The following NIPA2 variants were observed in gnomAD, a reference collection of about 807,000 sequenced individuals.
NIPA2 encodes the protein NIPA magnesium transporter 2, also known as magnesium transporter NIPA2.
NIPA2 carries 11 observed loss-of-function variants against 29.7 expected under a neutral mutation model. That is an observed-to-expected ratio of 0.37 (90% CI 0.23 to 0.61). The LOEUF (loss-of-function observed/expected upper bound fraction) is 0.61. Ranked by LOEUF, NIPA2 falls within the 20% of genes least tolerant of loss-of-function variation. The pLI, the probability that NIPA2 is intolerant of heterozygous loss-of-function variation, is 0.66. For missense variants in NIPA2, 426 were observed against 437.9 expected (o/e 0.97, Z 0.24); for synonymous variants, 183 against 161.9 (o/e 1.13, Z -0.99).
Position 22,866,732 on chromosome 15 carries a change from A to G in NIPA2, c.968A>G (p.Asn323Ser), listed in dbSNP as rs774171251. Reference sequence around the variant, plus strand: ...AAAGACGAGAAAGCAATGAATGGCAATCTCTCTAATATGTATGAAGTTCTT... The same window carrying G: ...AAAGACGAGAAAGCAATGAATGGCAGTCTCTCTAATATGTATGAAGTTCTT... ...FRKDEKAMNG[N>S]LSNMYEVLNN... Residue 323 changes from asparagine (N) to serine (S), a missense_variant, in exon 8 of 8, where the codon AAT becomes AGT. Around this residue, in one of 3 missense-constraint regions of NIPA2, gnomAD observed 357 missense variants for 339.8 expected, o/e 1.05. Coordinates refer to ENST00000337451, the MANE Select transcript of NIPA2 (RefSeq NM_030922.7). 2.9e-5 allele frequency: 47 copies of G among 1,613,914 alleles called. No homozygotes were observed. The highest frequency in any genetic ancestry group is 3.7e-5 in the Non-Finnish European group (44 of 1,179,918).
intron 3 of NIPA2, among the ~76,000 whole-genome samples, chr15:22,850,571 G>A (rs963144944): frequency 3.9e-5 from 6 of 152,318 alleles, no homozygotes; most frequent in African/African-American, 1.4e-4. Context: ...CTGCAGTAAT[G>A]TTATCACTCC....
chr15:22,853,102 TTATTTAAAGGAG>T (rs1400874070), intron 4 of NIPA2, 98 bp from the exon 5 acceptor site: 1 of 708,322 alleles, frequency 1.4e-6, no homozygotes, highest in Non-Finnish European at 2.4e-6. Flanking sequence ...GCAGAAACCT[TTATTTAAAGGAG>T]TAACTGAGAT....
Position 22,855,415 on chromosome 15 carries a change from CA to C in NIPA2, c.196+2160del, listed in dbSNP as rs111944942. On this transcript the variant is annotated intron_variant, in intron 5 of 7. Transcript: ENST00000337451. ...CTGGGCAACAAGAGTGAAACTGTCTCAAAAAAAAAAAAATATTCTGAAGACA... is the reference window on the plus strand; with the variant it reads ...CTGGGCAACAAGAGTGAAACTGTCTCAAAAAAAAAAAATATTCTGAAGACA... Among the ~76,000 whole-genome samples the C allele has an allele frequency of 2.1e-3, 288 of 138,836 alleles. 2 individuals are homozygous for C. Among genetic ancestry groups the C allele is most frequent in the Middle Eastern group, 3.6e-3 (1 of 278 alleles). 91.1% of individuals were successfully genotyped at this position (138,836 alleles called of 152,430 possible). A position where few individuals can be genotyped will look rare whatever the true frequency, so the allele number is the denominator to read the frequency against.
chr15:22,866,222 T>C lies in NIPA2; in HGVS notation c.458T>C (p.Val153Ala). The change falls in exon 8 of 8, where the codon GTC (valine) becomes GCC (alanine). Residue 153 changes from valine to alanine, a missense_variant. Around this residue, in one of 3 missense-constraint regions of NIPA2, gnomAD observed 357 missense variants for 339.8 expected, o/e 1.05. Transcript: ENST00000337451. ...SHKLGDPGFV[V>A]FATLVVIVAL... ...TCTTTGCCTCCTCCAGGTTTTGTGGTCTTTGCAACCCTTGTGGTCATTGTG... is the reference window on the plus strand; with the variant it reads ...TCTTTGCCTCCTCCAGGTTTTGTGGCCTTTGCAACCCTTGTGGTCATTGTG... The C allele has an allele frequency of 6.2e-7, 1 of 1,608,964 alleles. No individual in the cohort carries two copies. Among genetic ancestry groups the C allele is most frequent in the Non-Finnish European group, 8.5e-7 (1 of 1,175,922 alleles).
intron 7 of NIPA2, among the ~76,000 whole-genome samples, chr15:22,863,781 A>G (rs1434158847): frequency 6.6e-6 from 1 of 151,904 alleles, no homozygotes; most frequent in African/African-American, 2.4e-5. Flanking sequence ...TTGCATTAGT[A>G]GTTGCCCCAA....
intron 4 of NIPA2, 28 bp downstream of exon 4, chr15:22,851,898 G>A (rs2057769858): frequency 6.3e-7 from 1 of 1,599,162 alleles, no homozygotes. Context: ...TGACTTTGAA[G>A]TGACCTCAGT....
intron 6 of NIPA2, among the ~76,000 whole-genome samples, chr15:22,859,468 A>G (rs2058463738): frequency 6.6e-6 from 1 of 151,856 alleles, no homozygotes; most frequent in African/African-American, 2.4e-5. Context: ...AATGTTTTGT[A>G]TTTTTAGTAG....
intron 3 of NIPA2, among the ~76,000 whole-genome samples, chr15:22,846,803 GAGACCCTGTCTCCAAAATAATAATAATA>G (rs1305144918): frequency 1.2e-4 from 17 of 140,030 alleles, no homozygotes; most frequent in Non-Finnish European, 2.0e-4. Flanking sequence ...GTGACAGAAT[GAGACCCTGTCTCCAAAATAATAATAATA>G]ATAATAATAA....
chr15:22,845,098 C>A (rs956382730), intron 2 of NIPA2, 48 bp from the exon 3 acceptor site: 1 of 152,146 alleles, frequency 6.6e-6, no homozygotes, highest in African/African-American at 2.4e-5. Context: ...TTAATACTGG[C>A]CCTGCCTCAT....
intron 2 of NIPA2, among the ~76,000 whole-genome samples, chr15:22,844,735 C>CA (rs1174018259): frequency 6.6e-6 from 1 of 151,974 alleles, no homozygotes; most frequent in African/African-American, 2.4e-5. Flanking sequence ...GCCTGGGAAA[C>CA]AGAGTGAGAC....
intron 7 of NIPA2, among the ~76,000 whole-genome samples, chr15:22,865,916 C>G (rs952510752): frequency 6.6e-5 from 10 of 152,068 alleles, no homozygotes; most frequent in Non-Finnish European, 1.5e-5. Context: ...TGTGTCTGTT[C>G]TGTTCCCACT....
rs2057684438 is a variant in NIPA2 at position 22,850,906 on chromosome 15, CTATTTT to C, written c.-93-731_-93-726del. ...CAATCATAAACCTTGTTGCTAAAAA[CTATTTT>C]TTCTCTGCTATCCACACTGTGCTTT... On this transcript the variant is annotated intron_variant, in intron 3 of 7. Transcript: ENST00000337451. Among the ~76,000 whole-genome samples the C allele has an allele frequency of 4.6e-5, 7 of 152,308 alleles. No homozygotes were observed. In the South Asian group the frequency reaches 1.5e-3, roughly 32 times the overall value.
rs894242395 is a variant in NIPA2, at chr15:22,845,269, T to C, written c.-94+2T>C. On this transcript the variant is annotated splice_donor_variant, in intron 3 of 7. Coordinates refer to ENST00000337451, the MANE Select transcript of NIPA2 (RefSeq NM_030922.7). LOFTEE classifies it low-confidence loss of function (5UTR_SPLICE). ...CCTCTGATGTCCTATTTTCAAACTGTAAGTCAGAATGAGATCACTTATTTT... is the reference window on the plus strand; with the variant it reads ...CCTCTGATGTCCTATTTTCAAACTGCAAGTCAGAATGAGATCACTTATTTT... The C allele has an allele frequency of 6.6e-6, 1 of 152,106 alleles. No individual in the cohort carries two copies. Among genetic ancestry groups the C allele is most frequent in the Non-Finnish European group, 1.5e-5 (1 of 68,010 alleles). 9.4% of individuals were successfully genotyped at this position (152,106 alleles called of 1,614,324 possible).
intron 5 of NIPA2, among the ~76,000 whole-genome samples, chr15:22,857,353 C>T (rs1249037206): frequency 6.6e-6 from 1 of 150,700 alleles, no homozygotes; most frequent in Non-Finnish European, 1.5e-5. Flanking sequence ...AGGAGAATCG[C>T]TTTAACTTGG....
chr15:22,848,898 C>T (rs951941539), intron 3 of NIPA2, among the ~76,000 whole-genome samples: 3 of 146,848 alleles, frequency 2.0e-5, no homozygotes, highest in Non-Finnish European at 3.0e-5. Flanking sequence ...CACATTAAGA[C>T]CTATTTTGAG....
At chr15:22,853,825 A>T (rs2057966330) in intron 5 of NIPA2, among the ~76,000 whole-genome samples, 3 of 152,028 alleles carry the variant, frequency 2.0e-5, no homozygotes, top group Admixed American at 1.3e-4. Flanking sequence ...CAAACAATCC[A>T]GTTAGTCCTT....
At chr15:22,849,063 C>G (rs937075998) in intron 3 of NIPA2, among the ~76,000 whole-genome samples, 1 of 152,078 alleles carries the variant, frequency 6.6e-6, no homozygotes, top group African/African-American at 2.4e-5. Flanking sequence ...CTTTTTGTTG[C>G]AATCTTACAG....
rs1213226970 is a variant in NIPA2, at chr15:22,838,684, C to A, written c.-589C>A. 6.6e-6 allele frequency: 1 copy of A among 152,450 alleles called. No homozygotes were observed. Among genetic ancestry groups the A allele is most frequent in the African/African-American group, 2.4e-5 (1 of 41,438 alleles). The allele number at this position is 152,450 out of a possible 1,614,324, so 9.4% of individuals were successfully genotyped here. On this transcript the variant is annotated 5_prime_UTR_variant, in exon 1 of 8. Transcript: ENST00000337451. The stretch of plus-strand genomic sequence containing the variant: ...GGTTTTCCGGCGCCGGCCCTAGGTC[C>A]CGGCAGCGGTGGTGACGGCGGTGCC...
chr15:22,861,102 C>T (rs1429572039), intron 7 of NIPA2, among the ~76,000 whole-genome samples: 5 of 152,116 alleles, frequency 3.3e-5, no homozygotes, highest in Non-Finnish European at 1.5e-5. Flanking sequence ...TGATACATAA[C>T]TTTTATTGTC....
Sources: allele counts gnomAD v4.1 joint callset (sites outside exome capture counted in the v4.1 genomes callset), GRCh38; gene constraint gnomAD v4.1.1; regional missense constraint gnomAD v4.1.1; transcripts MANE v1.5; gene names NCBI Gene and HGNC (gene_info 2026-07-23, HGNC 2026-07-21).